Variants in IFIH1 observed in about 807,000 individuals in gnomAD.
IFIH1 encodes the protein interferon induced with helicase C domain 1.
Under a neutral mutation model 107.4 loss-of-function variants are expected in IFIH1, and 125 were observed. The ratio of observed to expected loss-of-function variants is 1.16; its 90% CI spans 1.01 to 1.35. The LOEUF (loss-of-function observed/expected upper bound fraction) is 1.35, where lower values mean the gene tolerates loss of function less well. Ranked by LOEUF, IFIH1 falls within the 40% of genes most tolerant of loss-of-function variation. The pLI is 0.00. For synonymous variants in IFIH1, 458 were observed against 413.2 expected (o/e 1.11, Z -1.31); for missense variants, 1,333 against 1,213.7 (o/e 1.10, Z -1.46).
chr2:162,306,442 CTT>C (rs1365711563), intron 3 of IFIH1, among the ~76,000 whole-genome samples: 1 of 152,108 alleles, frequency 6.6e-6, no homozygotes, highest in African/African-American at 2.4e-5. Flanking sequence ...CATTCTTATA[CTT>C]ATCTTACAAT....
In IFIH1 at chr2:162,272,378, G is replaced by A. The variant is rs747926684; in HGVS notation, c.2464C>T (p.Arg822Ter). The A allele has an allele frequency of 4.5e-5, 73 of 1,611,528 alleles. 1 individual carries two copies. The highest frequency in any genetic ancestry group is 6.7e-5 in the East Asian group (3 of 44,854). Residue 822 changes from arginine to a stop codon, truncating the protein, a stop_gained, in exon 13 of 16, where the codon CGA (arginine) becomes TGA (stop). Coordinates refer to ENST00000649979, the MANE Select transcript of IFIH1 (RefSeq NM_022168.4). LOFTEE classifies it high-confidence loss of function. ...NEIAMVQARGRARADESTYVL... is the reference protein window; with the variant it reads ...NEIAMVQARG ...TAGGTGCTCTCATCAGCTCTGGCTCGACCACGGGCCTGAAAACACAAATAA... is the reference window on the plus strand; with the variant it reads ...TAGGTGCTCTCATCAGCTCTGGCTCAACCACGGGCCTGAAAACACAAATAA...
rs1017722866 is a variant in IFIH1, at chr2:162,314,394, C to T, written c.453+3461G>A. On this transcript the variant is annotated intron_variant, in intron 1 of 15. Transcript: ENST00000649979. ...TCCCTCCCTCCCTCCCTCCCTCCCT[C>T]CCTCCTTTCTTTCTTTCTTTCTTTT... Among the ~76,000 whole-genome samples, 304 of 46,272 alleles carry T rather than the reference C, an allele frequency of 6.6e-3. 9 individuals carry two copies. The highest frequency in any genetic ancestry group is 0.014 in the South Asian group (12 of 848). The allele number at this position is 46,272 out of a possible 152,430, so 30.4% of individuals were successfully genotyped here. A position where few individuals can be genotyped will look rare whatever the true frequency, so the allele number is the denominator to read the frequency against.
At chr2:162,303,272 G>A (rs931384289) in intron 3 of IFIH1, among the ~76,000 whole-genome samples, 6 of 152,102 alleles carry the variant, frequency 3.9e-5, no homozygotes, top group African/African-American at 1.4e-4. Context: ...CTGCCACCAT[G>A]CTCGGCTAAG....
Position 162,288,148 on chromosome 2 carries a change from A to G in IFIH1, c.1082T>C (p.Val361Ala). 6.2e-7 allele frequency: 1 copy of G among 1,608,740 alleles called. No individual in the cohort carries two copies. The highest frequency in any genetic ancestry group is 8.5e-7 in the Non-Finnish European group (1 of 1,176,214). The change falls in exon 5 of 16, where the codon GTT becomes GCT. Residue 361 changes from valine (V) to alanine (A), a missense_variant. Val to Ala is a moderately conservative substitution (Grantham distance 64, BLOSUM62 0). Coordinates refer to ENST00000649979, the MANE Select transcript of IFIH1 (RefSeq NM_022168.4). ...TTCTTTGAATACCTTATTGACAAGA[A>G]CTATAACTTTTCCAGGCTCAGATGC... is the stretch of plus-strand genomic sequence containing the variant. ...KKASEPGKVI[V>A]LVNKVLLVEQ... is the part of the protein sequence containing the mutation.
chr2:162,283,861 A>G (rs1219637252), intron 5 of IFIH1, among the ~76,000 whole-genome samples: 4 of 151,984 alleles, frequency 2.6e-5, no homozygotes, highest in African/African-American at 4.8e-5. Context: ...AATGAAATCC[A>G]TAAATTCTAA....
At chr2:162,314,227 G>A (rs1683429719) in intron 1 of IFIH1, among the ~76,000 whole-genome samples, 1 of 152,110 alleles carries the variant, frequency 6.6e-6, no homozygotes, top group Non-Finnish European at 1.5e-5. Context: ...AGGCAGTACA[G>A]GGGTACCCCC....
chr2:162,310,453 C>A (rs1054180888), intron 2 of IFIH1: 12 of 434,176 alleles, frequency 2.8e-5, no homozygotes, highest in Non-Finnish European at 4.5e-5. Context: ...AAAATACTTT[C>A]TTCCAATGTA....
intron 3 of IFIH1, among the ~76,000 whole-genome samples, 192 bp from the exon 4 acceptor site, chr2:162,293,860 G>A (rs1683042199): frequency 6.6e-6 from 1 of 151,958 alleles, no homozygotes; most frequent in East Asian, 1.9e-4. Context: ...ATGAGCAGCT[G>A]CTGGGTAGTG....
At chr2:162,307,513 T>G (rs533277829) in intron 2 of IFIH1, among the ~76,000 whole-genome samples, 1 of 152,356 alleles carries the variant, frequency 6.6e-6, no homozygotes, top group East Asian at 1.9e-4. Context: ...CTTTTCTTCT[T>G]TCCTCCATTC....
chr2:162,307,625 T>C (rs1341975652), intron 2 of IFIH1, among the ~76,000 whole-genome samples: 1 of 152,232 alleles, frequency 6.6e-6, no homozygotes, highest in African/African-American at 2.4e-5. Context: ...TTTATGAAGC[T>C]GCAATCTGTC....
intron 6 of IFIH1, 68 bp downstream of exon 6, chr2:162,282,298 C>A: frequency 3.0e-6 from 3 of 984,894 alleles, no homozygotes; most frequent in South Asian, 1.8e-5. Flanking sequence ...AAAAAATTAA[C>A]AAATACAGCC....
At chr2:162,281,985 T>C (rs1682818017) in intron 6 of IFIH1, among the ~76,000 whole-genome samples, 1 of 152,036 alleles carries the variant, frequency 6.6e-6, no homozygotes, top group African/African-American at 2.4e-5. Flanking sequence ...TGCATTTAGT[T>C]ATTATAAATT....
At chr2:162,275,937 T>A (rs1231073387) in intron 11 of IFIH1, among the ~76,000 whole-genome samples, 2 of 152,184 alleles carry the variant, frequency 1.3e-5, no homozygotes, top group African/African-American at 4.8e-5. Context: ...ATTCTTTAGT[T>A]TTTTCAAGTT....
chr2:162,295,732 G>T (rs1351239913), intron 3 of IFIH1, among the ~76,000 whole-genome samples: 1 of 151,942 alleles, frequency 6.6e-6, no homozygotes, highest in Admixed American at 6.6e-5. Context: ...TTAAAATATG[G>T]CACCTCGCAA....
In IFIH1 at chr2:162,318,144, T is replaced by G; in HGVS notation, c.164A>C (p.Asn55Thr). ...QIQRTVATSG[N>T]MQAVELLLST... Reference sequence around the variant, plus strand: ...CAGCAGCAGTTCAACTGCCTGCATGTTCCCGGAGGTGGCGACTGTCCTCTG... The same window carrying G: ...CAGCAGCAGTTCAACTGCCTGCATGGTCCCGGAGGTGGCGACTGTCCTCTG... The change falls in exon 1 of 16, where the codon AAC becomes ACC. Residue 55 changes from asparagine (N) to threonine (T), a missense_variant. Asn to Thr is a moderately conservative substitution (Grantham distance 65). Transcript: ENST00000649979. 1 of 1,614,218 alleles carries G rather than the reference T, an allele frequency of 6.2e-7. No individual in the cohort carries two copies. Among genetic ancestry groups the G allele is most frequent in the South Asian group, 1.1e-5 (1 of 91,086 alleles).
intron 4 of IFIH1, among the ~76,000 whole-genome samples, chr2:162,289,988 C>CCATGATAT (rs1326084205): frequency 6.6e-6 from 1 of 151,858 alleles, no homozygotes; most frequent in Non-Finnish European, 1.5e-5. Flanking sequence ...ACTATCAAAA[C>CCATGATAT]CATGATATTT....
intron 13 of IFIH1, among the ~76,000 whole-genome samples, chr2:162,270,435 A>C (rs1428599018): frequency 1.3e-5 from 2 of 152,172 alleles, no homozygotes; most frequent in Non-Finnish European, 2.9e-5. Flanking sequence ...GAAGAAAGTA[A>C]ACATCTTCCC....
chr2:162,277,651 TG>T lies in IFIH1; in HGVS notation c.1807del (p.His603IlefsTer2). 1 of 1,612,428 alleles carries T rather than the reference TG, an allele frequency of 6.2e-7. No individual in the cohort carries two copies. ...TAGGGCCTCATTGTACTTCCTCAAATGTTCTGCACAAACACGTTCTTTGCGA... is the reference window on the plus strand; with the variant it reads ...TAGGGCCTCATTGTACTTCCTCAAATTTCTGCACAAACACGTTCTTTGCGA... ...GNRKERVCAEHLRKYNEALQI... is the reference protein window; with the variant it reads ...GNRKERVCAEXLRKYNEALQI... On this transcript the variant is annotated frameshift_variant, in exon 10 of 16. Coordinates refer to ENST00000649979, the MANE Select transcript of IFIH1 (RefSeq NM_022168.4). LOFTEE classifies it high-confidence loss of function.
intron 13 of IFIH1, 74 bp from the exon 14 acceptor site, chr2:162,268,351 G>C: frequency 2.1e-6 from 2 of 953,888 alleles, no homozygotes. Context: ...TAAGTCTCCT[G>C]AAATTTGGAG....
Sources: gnomAD v4.1 joint callset for allele counts (sites outside exome capture counted in the v4.1 genomes callset) on GRCh38, gnomAD v4.1.1 for gene constraint, MANE v1.5 for transcripts, NCBI Gene and HGNC (gene_info 2026-07-23, HGNC 2026-07-21) for gene names.